Variants in TRIM66 observed in about 807,000 individuals in gnomAD.
TRIM66 encodes the protein tripartite motif containing 66, also known as tripartite motif-containing protein 66.
TRIM66 carries 99 observed loss-of-function variants against 148.2 expected under a neutral mutation model. The observed-to-expected ratio is 0.67, with a 90% CI of 0.57 to 0.79. TRIM66 has a LOEUF of 0.79. Ranked by LOEUF, TRIM66 falls within the 30% of genes least tolerant of loss-of-function variation. The pLI is 0.00. For synonymous variants in TRIM66, 616 were observed against 635.9 expected, an observed-to-expected ratio of 0.97 and a Z score of 0.47; for missense variants, 1,666 against 1,697.9, an observed-to-expected ratio of 0.98 and a Z score of 0.33.
intron 24 of TRIM66, among the ~76,000 whole-genome samples, chr11:8,618,273 G>C (rs2033863919): frequency 6.6e-6 from 1 of 152,230 alleles, no homozygotes; most frequent in Non-Finnish European, 1.5e-5. Flanking sequence ...GGTCTACACA[G>C]GTGGGACCAG....
chr11:8,658,693 C>T, intron 6 of TRIM66: 1 of 852,572 alleles, frequency 1.2e-6, no homozygotes, highest in Non-Finnish European at 1.4e-6. Context: ...ACTCTGTCAG[C>T]CCCACACTGC....
In TRIM66 at chr11:8,616,286, C is replaced by T. The variant is rs1358062945; in HGVS notation, c.*1658G>A. The T allele has an allele frequency of 6.6e-6, 1 of 152,164 alleles. No individual in the cohort carries two copies. The highest frequency in any genetic ancestry group is 1.5e-5 in the Non-Finnish European group (1 of 68,016). The allele number at this position is 152,164 out of a possible 1,614,324, so 9.4% of individuals were successfully genotyped here. On this transcript the variant is annotated 3_prime_UTR_variant, in exon 25 of 25. Coordinates refer to ENST00000646038, the MANE Select transcript of TRIM66 (RefSeq NM_001388022.1). ...GGGTAGAGAAGGAAATGAGCAATAC[C>T]ATCAACTCACAAAGAGAGAAGAAAT... is the stretch of plus-strand genomic sequence containing the variant.
chr11:8,617,839 A>C lies in TRIM66; in HGVS notation c.*105T>G. 9.1e-7 allele frequency: 1 copy of C among 1,102,118 alleles called. No individual in the cohort carries two copies. Among genetic ancestry groups the C allele is most frequent in the Non-Finnish European group, 1.3e-6 (1 of 742,408 alleles). The allele number at this position is 1,102,118 out of a possible 1,614,324, so 68.3% of individuals were successfully genotyped here. A position where few individuals can be genotyped will look rare whatever the true frequency, so the allele number is the denominator to read the frequency against. On this transcript the variant is annotated 3_prime_UTR_variant, in exon 25 of 25. Coordinates refer to ENST00000646038, the MANE Select transcript of TRIM66 (RefSeq NM_001388022.1). ...GAAGAGCACTACACAGTTCAACAAG[A>C]CTCATCTACCATCCACACTCTGAAG... is the stretch of plus-strand genomic sequence containing the variant.
chr11:8,639,154 T>C (rs1197585095), intron 14 of TRIM66, among the ~76,000 whole-genome samples: 1 of 152,220 alleles, frequency 6.6e-6, no homozygotes, highest in Non-Finnish European at 1.5e-5. Flanking sequence ...GATTATTCTA[T>C]ATCTCCTCAA....
At chr11:8,628,636 A>AAACAAAAAAAAAGAGAGAG (rs1555042270) in intron 15 of TRIM66, among the ~76,000 whole-genome samples, 1 of 93,340 alleles carries the variant, frequency 1.1e-5, no homozygotes, top group Non-Finnish European at 2.3e-5. Context: ...AAAAAAAAAA[A>AAACAAAAAAAAAGAGAGAG]AGAGAGAGAA....
Position 8,640,895 on chromosome 11 carries a change from G to T in TRIM66, c.1480C>A (p.Gln494Lys), listed in dbSNP as rs1390316197. Residue 494 changes from glutamine (Q) to lysine (K), a missense_variant, in exon 14 of 25, where the codon CAG (glutamine) becomes AAG (lysine). Gln to Lys is a moderately conservative substitution (Grantham distance 53). Transcript: ENST00000646038. ...PSIHPAHSFR[Q>K]PPEMVPQQLG... is the part of the protein sequence containing the mutation. ...TGCTGGGGCACCATCTCAGGGGGCT[G>T]CCTGAAGCTGTGGGCTGGGTGTATG... The T allele has an allele frequency of 6.4e-7, 1 of 1,550,598 alleles. No individual in the cohort carries two copies. The highest frequency in any genetic ancestry group is 2.0e-5 in the Admixed American group (1 of 51,004).
intron 18 of TRIM66, among the ~76,000 whole-genome samples, chr11:8,622,365 C>CATATATATATATATATATATATATAT (rs1217954064): frequency 3.5e-4 from 21 of 59,396 alleles, no homozygotes; most frequent in Admixed American, 9.4e-4. Context: ...CACACACACA[C>CATATATATATATATATATATATATAT]ATATATATAT....
intron 6 of TRIM66, among the ~76,000 whole-genome samples, chr11:8,666,793 T>C (rs2038627600): frequency 1.3e-5 from 2 of 152,198 alleles, no homozygotes; most frequent in South Asian, 4.1e-4. Context: ...TGGCAACAAA[T>C]ACTATGATTC....
rs2036876518 is a variant in TRIM66 at position 8,646,687 on chromosome 11, T to A, written c.843-126A>T. 4 of 679,856 alleles carry A rather than the reference T, an allele frequency of 5.9e-6. No individual in the cohort carries two copies. The Admixed American group carries it at 1.1e-4, about 19-fold the overall frequency. 42.1% of individuals were successfully genotyped at this position (679,856 alleles called of 1,614,324 possible). On this transcript the variant is annotated intron_variant, in intron 10 of 24. Coordinates refer to ENST00000646038, the MANE Select transcript of TRIM66 (RefSeq NM_001388022.1). The stretch of plus-strand genomic sequence containing the variant: ...AGATCAGGGCCTAGCAGACACCAAA[T>A]ACAAAAAAAAGAGAGCCTTCCTCCA...
intron 15 of TRIM66, among the ~76,000 whole-genome samples, chr11:8,626,529 C>G (rs943359382): frequency 6.6e-6 from 1 of 152,182 alleles, no homozygotes; most frequent in East Asian, 1.9e-4. Context: ...CTGCCACACC[C>G]AAGCTAATAC....
chr11:8,649,726 G>A lies in TRIM66; in HGVS notation c.592+14C>T, dbSNP rs746093766. ...TAGGGCATGGGAGTGGGCAGGGAGA[G>A]GTGGGATTGGTACCTGGAGATCCCT... On this transcript the variant is annotated intron_variant, in intron 8 of 24. Coordinates refer to ENST00000646038, the MANE Select transcript of TRIM66 (RefSeq NM_001388022.1). The A allele has an allele frequency of 1.3e-6, 2 of 1,550,600 alleles. No individual in the cohort carries two copies. Among genetic ancestry groups the A allele is most frequent in the Non-Finnish European group, 1.7e-6 (2 of 1,146,914 alleles).
intron 22 of TRIM66, among the ~76,000 whole-genome samples, chr11:8,619,769 G>A (rs1236687628): frequency 6.6e-6 from 1 of 152,252 alleles, no homozygotes; most frequent in Non-Finnish European, 1.5e-5. Flanking sequence ...GTTGTGGTGG[G>A]GGAGGCTGGA....
Position 8,641,207 on chromosome 11 carries a change from G to A in TRIM66, c.1223-55C>T, listed in dbSNP as rs1592101603. ...AAGTTTTTCAAGTTGCTCCCACCTTGCTACTTCCTGCTCCTGGGACAAAAG... is the reference window on the plus strand; with the variant it reads ...AAGTTTTTCAAGTTGCTCCCACCTTACTACTTCCTGCTCCTGGGACAAAAG... On this transcript the variant is annotated intron_variant, in intron 13 of 24. Transcript: ENST00000646038. 4 of 1,441,278 alleles carry A rather than the reference G, an allele frequency of 2.8e-6. No homozygotes were observed. In the East Asian group the frequency reaches 1.0e-4, roughly 36 times the overall value. The allele number at this position is 1,441,278 out of a possible 1,614,324, so 89.3% of individuals were successfully genotyped here.
chr11:8,626,099 T>C (rs554748058), intron 15 of TRIM66, among the ~76,000 whole-genome samples: 8 of 152,318 alleles, frequency 5.3e-5, no homozygotes, highest in South Asian at 2.1e-4. Context: ...TAAAAAGAAG[T>C]TGAAGATACA....
In TRIM66 at chr11:8,617,639, C is replaced by A; in HGVS notation, c.*305G>T. On this transcript the variant is annotated 3_prime_UTR_variant, in exon 25 of 25. Coordinates refer to ENST00000646038, the MANE Select transcript of TRIM66 (RefSeq NM_001388022.1). ...CTTTCCCAGGCAGAAAAAAATTCACCAAGGAAAGTAGGTTTTCCCGAGCCT... is the reference window on the plus strand; with the variant it reads ...CTTTCCCAGGCAGAAAAAAATTCACAAAGGAAAGTAGGTTTTCCCGAGCCT... 2.7e-6 allele frequency: 1 copy of A among 366,582 alleles called. No homozygotes were observed. The highest frequency in any genetic ancestry group is 4.9e-6 in the Non-Finnish European group (1 of 204,452). The allele number at this position is 366,582 out of a possible 1,614,324, so 22.7% of individuals were successfully genotyped here.
Position 8,643,026 on chromosome 11 carries a change from T to G in TRIM66, c.1205A>C (p.Lys402Thr). 1 of 1,550,650 alleles carries G rather than the reference T, an allele frequency of 6.4e-7. No homozygotes were observed. ...AAGCTCACCAAGAGAAGCTAGCTGC[T>G]TGGTCCAGAAGTTAGGCTCCCAGGT... Reference protein sequence around the residue: ...RFTWEPNFWTKQLASLGCITT... With the variant: ...RFTWEPNFWTTQLASLGCITT... Residue 402 changes from lysine (K) to threonine (T), a missense_variant, in exon 13 of 25, where the codon AAG (lysine) becomes ACG (threonine). Coordinates refer to ENST00000646038, the MANE Select transcript of TRIM66 (RefSeq NM_001388022.1).
At chr11:8,660,844 G>C (rs563135743) in intron 6 of TRIM66, among the ~76,000 whole-genome samples, 1 of 152,308 alleles carries the variant, frequency 6.6e-6, no homozygotes, top group African/African-American at 2.4e-5. Context: ...CAGGAGGAAA[G>C]AACATCATAA....
chr11:8,646,292 C>G (rs946594317), intron 11 of TRIM66, among the ~76,000 whole-genome samples, 155 bp downstream of exon 11: 1 of 152,026 alleles, frequency 6.6e-6, no homozygotes, highest in Admixed American at 6.5e-5. Context: ...GCCACCCTCC[C>G]AAAATTAGGC....
At chr11:8,631,952 A>G (rs1811185537) in intron 15 of TRIM66, among the ~76,000 whole-genome samples, 1 of 152,196 alleles carries the variant, frequency 6.6e-6, no homozygotes, top group African/African-American at 2.4e-5. Flanking sequence ...AATATGCAAT[A>G]GAAAAAGGGA....
Sources: gnomAD v4.1 joint callset for allele counts (sites outside exome capture counted in the v4.1 genomes callset) on GRCh38, gnomAD v4.1.1 for gene constraint, MANE v1.5 for transcripts, NCBI Gene and HGNC (gene_info 2026-07-23, HGNC 2026-07-21) for gene names.